Variants in WHRN observed in about 807,000 individuals in gnomAD.
WHRN encodes CASK-interacting protein CIP98.
WHRN carries 41 observed loss-of-function variants against 68.3 expected under a neutral mutation model. The observed-to-expected ratio is 0.60, with a 90% CI of 0.47 to 0.78. The LOEUF (loss-of-function observed/expected upper bound fraction) is 0.78, where lower values mean the gene tolerates loss of function less well. WHRN is among the 30% of genes least tolerant of loss of function. WHRN has a pLI of 0.00. For missense variants in WHRN, 1,243 were observed against 1,244.7 expected (o/e 1.00, Z 0.02); for synonymous variants, 560 against 561.3 (o/e 1.00, Z 0.03).
At chr9:114,407,184 T>C (rs181608018) in intron 8 of WHRN, among the ~76,000 whole-genome samples, 24 of 152,308 alleles carry the variant, frequency 1.6e-4, no homozygotes, top group Non-Finnish European at 2.8e-4. Context: ...CAAGACTTCA[T>C]TAGAGACACG....
chr9:114,404,463 A>C (rs878865636), intron 9 of WHRN, among the ~76,000 whole-genome samples: 1 of 152,258 alleles, frequency 6.6e-6, no homozygotes, highest in Admixed American at 6.5e-5. Context: ...ACACATTCAA[A>C]TTAGAAGATT....
rs1043222875 is a variant in WHRN at position 114,442,848 on chromosome 9, C to T, written c.964-16435G>A. On this transcript the variant is annotated intron_variant, in intron 3 of 11. Transcript: ENST00000362057. ...CTCTTCTTTATAAATTACCCAGGCTCGGATATTCCTTTAGAGCAACGCAAA... is the reference window on the plus strand; with the variant it reads ...CTCTTCTTTATAAATTACCCAGGCTTGGATATTCCTTTAGAGCAACGCAAA... Among the ~76,000 whole-genome samples, 9 of 152,050 alleles carry T rather than the reference C, an allele frequency of 5.9e-5. No homozygotes were observed. In the South Asian group the frequency reaches 1.0e-3, roughly 17 times the overall value.
In WHRN at chr9:114,504,381, C is replaced by G. The variant is rs779511339; in HGVS notation, c.421G>C (p.Val141Leu). 6.2e-7 allele frequency: 1 copy of G among 1,606,516 alleles called. No individual in the cohort carries two copies. Among genetic ancestry groups the G allele is most frequent in the Non-Finnish European group, 8.5e-7 (1 of 1,179,828 alleles). The change falls in exon 1 of 12, where the codon GTG becomes CTG. Residue 141 changes from valine to leucine, a missense_variant. Coordinates refer to ENST00000362057, the MANE Select transcript of WHRN (RefSeq NM_015404.4). ...DSAGPGEVRL[V>L]SLRRAKAHEG... ...TGGGCCTTGGCACGCCGCAAACTCACCAGGCGCACCTCCCCTGGCCCCGCG... is the reference window on the plus strand; with the variant it reads ...TGGGCCTTGGCACGCCGCAAACTCAGCAGGCGCACCTCCCCTGGCCCCGCG...
intron 7 of WHRN, among the ~76,000 whole-genome samples, chr9:114,422,218 CT>C (rs1255198323): frequency 1.3e-5 from 2 of 152,350 alleles, no homozygotes; most frequent in East Asian, 3.9e-4. Flanking sequence ...AGTTCAGCAT[CT>C]GGGAGCAACC....
intron 1 of WHRN, among the ~76,000 whole-genome samples, chr9:114,486,599 CT>C: frequency 6.6e-6 from 1 of 152,122 alleles, no homozygotes; most frequent in Non-Finnish European, 1.5e-5. Context: ...GAGCAGTGCT[CT>C]TTCAGATCAG....
At chr9:114,460,874 C>T (rs1564181325) in intron 3 of WHRN, among the ~76,000 whole-genome samples, 1 of 152,220 alleles carries the variant, frequency 6.6e-6, no homozygotes, top group Non-Finnish European at 1.5e-5. Context: ...GCCCACATAG[C>T]CAAGCCCCTT....
At chr9:114,487,344 G>GTA (rs1386332921) in intron 1 of WHRN, among the ~76,000 whole-genome samples, 1 of 151,512 alleles carries the variant, frequency 6.6e-6, no homozygotes, top group Non-Finnish European at 1.5e-5. Context: ...TTATAAACAC[G>GTA]TATATATACA....
chr9:114,461,430 A>G (rs773906277), intron 3 of WHRN, among the ~76,000 whole-genome samples: 2 of 152,222 alleles, frequency 1.3e-5, no homozygotes, highest in Non-Finnish European at 2.9e-5. Flanking sequence ...TTCCCACTTA[A>G]TAACAGCCCA....
chr9:114,437,629 A>G (rs1274451442), intron 3 of WHRN, among the ~76,000 whole-genome samples: 1 of 152,246 alleles, frequency 6.6e-6, no homozygotes, highest in Non-Finnish European at 1.5e-5. Flanking sequence ...TAAGAAGAAC[A>G]AGAGACACCT....
Position 114,402,434 on chromosome 9 carries a change from G to A in WHRN, c.*320C>T, listed in dbSNP as rs996851201. 1.7e-5 allele frequency: 7 copies of A among 409,730 alleles called. No homozygotes were observed. Among genetic ancestry groups the A allele is most frequent in the Non-Finnish European group, 2.8e-5 (6 of 217,602 alleles). The allele number at this position is 409,730 out of a possible 1,614,324, so 25.4% of individuals were successfully genotyped here. On this transcript the variant is annotated 3_prime_UTR_variant, in exon 12 of 12. Coordinates refer to ENST00000362057, the MANE Select transcript of WHRN (RefSeq NM_015404.4). ...TGGGCTGGGTCCTAGCTGGAGGGGG[G>A]ACAGCAGTGCCCCCAACCCAACCTG...
At chr9:114,464,146 C>T (rs1840467933) in intron 3 of WHRN, among the ~76,000 whole-genome samples, 1 of 152,194 alleles carries the variant, frequency 6.6e-6, no homozygotes, top group Non-Finnish European at 1.5e-5. Flanking sequence ...ATGGTGCTAA[C>T]AACAGAACCT....
chr9:114,445,179 T>C (rs1243313593), intron 3 of WHRN, among the ~76,000 whole-genome samples: 1 of 152,044 alleles, frequency 6.6e-6, no homozygotes, highest in Non-Finnish European at 1.5e-5. Context: ...GTAGCTGGGA[T>C]TACAGGCGTG....
At chr9:114,471,955 G>C (rs1363359229) in intron 2 of WHRN, among the ~76,000 whole-genome samples, 1 of 152,214 alleles carries the variant, frequency 6.6e-6, no homozygotes, top group Non-Finnish European at 1.5e-5. Context: ...ATGAGCCCAA[G>C]GCAAGAGCCA....
At chr9:114,405,070 CTTTTT>C (rs34172199) in intron 9 of WHRN, among the ~76,000 whole-genome samples, 11 of 109,196 alleles carry the variant, frequency 1.0e-4, no homozygotes, top group Admixed American at 2.0e-4. Context: ...CTCTCTCTCT[CTTTTT>C]TTTTTTTTTT....
At chr9:114,417,076 G>A (rs1323240054) in intron 7 of WHRN, among the ~76,000 whole-genome samples, 1 of 152,214 alleles carries the variant, frequency 6.6e-6, no homozygotes, top group Non-Finnish European at 1.5e-5. Flanking sequence ...TCTTTATGGG[G>A]GAAATGATAT....
intron 6 of WHRN, 65 bp downstream of exon 6, chr9:114,424,269 G>T: frequency 1.3e-6 from 2 of 1,571,844 alleles, no homozygotes; most frequent in South Asian, 2.2e-5. Context: ...CAAAGGAGCG[G>T]GGGCAGGGCA....
Position 114,406,559 on chromosome 9 carries a change from C to G in WHRN, c.2032G>C (p.Gly678Arg), listed in dbSNP as rs200037348. 1 of 1,611,954 alleles carries G rather than the reference C, an allele frequency of 6.2e-7. No homozygotes were observed. Among genetic ancestry groups the G allele is most frequent in the Admixed American group, 1.7e-5 (1 of 59,944 alleles). The change falls in exon 9 of 12, where the codon GGC becomes CGC. Residue 678 changes from glycine to arginine, a missense_variant. Gly to Arg is a moderately radical substitution (Grantham distance 125). Transcript: ENST00000362057. ...GGTGACTGGACCCGTGGGAAGGGGC[C>G]GATGGGGTGTTGGTTGACCAGGGCC... Reference protein sequence around the residue: ...HLALVNQHPIGPFPRVQSPPH... With the variant: ...HLALVNQHPIRPFPRVQSPPH...
At chr9:114,496,028 C>T (rs1316019873) in intron 1 of WHRN, among the ~76,000 whole-genome samples, 1 of 152,154 alleles carries the variant, frequency 6.6e-6, no homozygotes, top group Non-Finnish European at 1.5e-5. Context: ...TCAGATGTAG[C>T]TCAAATAAAT....
intron 7 of WHRN, among the ~76,000 whole-genome samples, chr9:114,411,090 G>A (rs191680680): frequency 2.0e-5 from 3 of 152,328 alleles, no homozygotes; most frequent in Admixed American, 6.5e-5. Flanking sequence ...TGACTGTTAC[G>A]TGCATTGGGA....
Sources: gnomAD v4.1 joint callset for allele counts (sites outside exome capture counted in the v4.1 genomes callset) on GRCh38, gnomAD v4.1.1 for gene constraint, MANE v1.5 for transcripts, NCBI Gene and HGNC (gene_info 2026-07-23, HGNC 2026-07-21) for gene names.